SBF2: variants seen among roughly 807,000 people sequenced by gnomAD.
SBF2 encodes the protein SET binding factor 2.
In SBF2, 112 loss-of-function variants were observed where a neutral mutation model predicts 225.2. That is an observed-to-expected ratio of 0.50 (90% CI 0.43 to 0.58). SBF2 has a LOEUF of 0.58. Among genes scored for constraint, SBF2 ranks in the 20% least tolerant of loss-of-function variants. SBF2 has a pLI of 0.00. For synonymous variants in SBF2, 763 were observed against 773.3 expected (o/e 0.99, Z 0.22); for missense variants, 1,996 against 2,206.2 (o/e 0.90, Z 1.91).
At chr11:9,958,932 T>G in intron 16 of SBF2, 2 of 681,468 alleles carry the variant, frequency 2.9e-6, no homozygotes, top group Non-Finnish European at 5.4e-6. Context: ...AAGTCGTTGA[T>G]GTTAGAAGTT....
At chr11:9,878,566 C>G (rs17269812) in intron 17 of SBF2, among the ~76,000 whole-genome samples, 26,745 of 152,102 alleles carry the variant, frequency 0.18, 2,998 homozygotes, top group Non-Finnish European at 0.25. Flanking sequence ...TATAGTCTGT[C>G]TCTTAATAGC....
chr11:10,157,650 T>C (rs1015704695), intron 2 of SBF2, among the ~76,000 whole-genome samples: 2 of 152,208 alleles, frequency 1.3e-5, no homozygotes, highest in African/African-American at 4.8e-5. Flanking sequence ...TTCTACCTTA[T>C]GGTGAGTTTT....
At chr11:10,138,248 T>C (rs559946317) in intron 2 of SBF2, among the ~76,000 whole-genome samples, 1 of 152,310 alleles carries the variant, frequency 6.6e-6, no homozygotes, top group Admixed American at 6.5e-5. Flanking sequence ...CCATTTCATC[T>C]AACTGAGTCA....
intron 1 of SBF2, among the ~76,000 whole-genome samples, chr11:10,233,283 G>A (rs1007218873): frequency 6.6e-6 from 1 of 151,832 alleles, no homozygotes; most frequent in African/African-American, 2.4e-5. Flanking sequence ...ATTTTGACAA[G>A]ATTTCTTCAC....
chr11:10,223,402 TATATATATATATATATA>T (rs749624093), intron 1 of SBF2, among the ~76,000 whole-genome samples: 11,307 of 58,380 alleles, frequency 0.19, 866 homozygotes, highest in Non-Finnish European at 0.21. Context: ...TTGCACATTA[TATATATATATATATATA>T]TATATATATA....
rs184607924 is a variant in SBF2 at position 9,780,066 on chromosome 11, A to T, written c.*352T>A. The T allele has an allele frequency of 2.2e-5, 7 of 321,672 alleles. No homozygotes were observed. The highest frequency in any genetic ancestry group is 1.5e-4 in the African/African-American group (7 of 47,110). The allele number at this position is 321,672 out of a possible 1,614,324, so 19.9% of individuals were successfully genotyped here. A position where few individuals can be genotyped will look rare whatever the true frequency, so the allele number is the denominator to read the frequency against. On this transcript the variant is annotated 3_prime_UTR_variant, in exon 40 of 40. Coordinates refer to ENST00000256190, the MANE Select transcript of SBF2 (RefSeq NM_030962.4). ...TCCGAGGAAATTATGACCTCAGAGA[A>T]CAAAAAAGGATCTATAGCTTTCATG...
intron 2 of SBF2, among the ~76,000 whole-genome samples, chr11:10,175,797 A>G (rs1956436685): frequency 6.6e-6 from 1 of 152,020 alleles, no homozygotes; most frequent in African/African-American, 2.4e-5. Flanking sequence ...AAGAACAGAA[A>G]TTATAACAAA....
At chr11:9,855,266 C>T (rs961050065) in intron 19 of SBF2, among the ~76,000 whole-genome samples, 2 of 152,170 alleles carry the variant, frequency 1.3e-5, no homozygotes, top group Admixed American at 6.6e-5. Flanking sequence ...GTGTGAAATG[C>T]TGATTCCAAG....
chr11:9,972,975 TTATGA>T (rs1453715001), intron 13 of SBF2, among the ~76,000 whole-genome samples: 6 of 152,336 alleles, frequency 3.9e-5, no homozygotes, highest in African/African-American at 1.4e-4. Context: ...TTTTGTTAAA[TTATGA>T]TATATTTAGC....
At chr11:10,002,144 T>C in intron 7 of SBF2, among the ~76,000 whole-genome samples, 1 of 152,300 alleles carries the variant, frequency 6.6e-6, no homozygotes, top group Middle Eastern at 3.4e-3. Context: ...TACTGTATTA[T>C]TCTCAAGCAA....
intron 16 of SBF2, among the ~76,000 whole-genome samples, chr11:9,910,890 C>CAAAAAAAAA (rs68011518): frequency 2.1e-4 from 20 of 93,584 alleles, no homozygotes; most frequent in South Asian, 3.9e-4. Flanking sequence ...TACTAAAATA[C>CAAAAAAAAA]AAAAAAAAAA....
At chr11:10,162,984 C>T (rs1432007480) in intron 2 of SBF2, among the ~76,000 whole-genome samples, 1 of 149,356 alleles carries the variant, frequency 6.7e-6, no homozygotes, top group African/African-American at 2.5e-5. Flanking sequence ...CAAATTGCTT[C>T]CTATATGTTT....
At position 9,833,566 on chromosome 11, in the gene SBF2, G is replaced by A. The variant is rs918735870; in HGVS notation, c.3456-1146C>T. The stretch of plus-strand genomic sequence containing the variant: ...CTCCCGAGTAGCTACGACTACAAGC[G>A]CCTGCCACCATCCCTGGCTAATTTT... On this transcript the variant is annotated intron_variant, in intron 26 of 39. Transcript: ENST00000256190. 5.9e-5 allele frequency among the ~76,000 whole-genome samples: 9 copies of A among 151,278 alleles called. No individual in the cohort carries two copies. In the South Asian group the frequency reaches 6.3e-4, roughly 11 times the overall value.
chr11:9,862,383 C>G (rs1352947241), intron 17 of SBF2, among the ~76,000 whole-genome samples: 1 of 152,148 alleles, frequency 6.6e-6, no homozygotes, highest in African/African-American at 2.4e-5. Flanking sequence ...AAAAATGGAA[C>G]TTTGCAGTCA....
At chr11:9,840,264 AAAAC>A (rs1411148766) in intron 25 of SBF2, among the ~76,000 whole-genome samples, 1 of 151,998 alleles carries the variant, frequency 6.6e-6, no homozygotes, top group Non-Finnish European at 1.5e-5. Flanking sequence ...AAAAAAAAAA[AAAAC>A]AAACCCGCTA....
At chr11:10,096,423 G>GA (rs1952026672) in intron 2 of SBF2, among the ~76,000 whole-genome samples, 1 of 52,886 alleles carries the variant, frequency 1.9e-5, no homozygotes, top group African/African-American at 6.2e-5. Flanking sequence ...TCAAAGTTCT[G>GA]TAAAAAAAAA....
At chr11:9,848,172 A>G (rs1163307958) in intron 22 of SBF2, among the ~76,000 whole-genome samples, 5 of 152,156 alleles carry the variant, frequency 3.3e-5, no homozygotes, top group Admixed American at 3.3e-4. Context: ...TCAGAATCCT[A>G]ATTCCCTGGA....
intron 17 of SBF2, among the ~76,000 whole-genome samples, chr11:9,868,941 G>C (rs1476860327): frequency 2.6e-5 from 4 of 152,180 alleles, no homozygotes; most frequent in African/African-American, 9.7e-5. Flanking sequence ...GATGTTGATT[G>C]TCAATGCCCA....
At chr11:9,782,865 G>GTCTC (rs1852110510) in intron 38 of SBF2, among the ~76,000 whole-genome samples, 1 of 136,938 alleles carries the variant, frequency 7.3e-6, no homozygotes, top group African/African-American at 2.7e-5. Flanking sequence ...GCGAGACTCT[G>GTCTC]TCTCAAAAGA....
Sources: allele counts gnomAD v4.1 joint callset (sites outside exome capture counted in the v4.1 genomes callset), GRCh38; gene constraint gnomAD v4.1.1; transcripts MANE v1.5; gene names NCBI Gene and HGNC (gene_info 2026-07-23, HGNC 2026-07-21).